Variants in CUL3 observed in about 807,000 individuals in gnomAD.
CUL3 encodes the protein cullin 3.
CUL3 carries 19 observed loss-of-function variants against 89.1 expected under a neutral mutation model. The observed-to-expected ratio is 0.21, with a 90% CI of 0.15 to 0.31. The LOEUF (loss-of-function observed/expected upper bound fraction) is 0.31, where lower values mean the gene tolerates loss of function less well. Among genes scored for constraint, CUL3 ranks in the 10% least tolerant of loss-of-function variants. The pLI is 1.00. For missense variants in CUL3, 469 were observed against 942.3 expected (o/e 0.50, Z 6.58); for synonymous variants, 351 against 308.4 (o/e 1.14, Z -1.45).
rs199687593 is a variant in CUL3, at chr2:224,584,286, C to CG, written c.66+657_66+658insC. On this transcript the variant is annotated intron_variant, in intron 1 of 15. Transcript: ENST00000264414. ...CGGTTTGCTCTCTGTTGCTTCCCCC[C>CG]CACCCGGCCTTCCTCCGAGTGGCGA... is the stretch of plus-strand genomic sequence containing the variant. Among the ~76,000 whole-genome samples the CG allele has an allele frequency of 2.4e-3, 364 of 152,134 alleles. 4 individuals are homozygous for CG. Among genetic ancestry groups the CG allele is most frequent in the Non-Finnish European group, 3.4e-3 (234 of 67,976 alleles).
chr2:224,477,319 C>A (rs576627182), intron 15 of CUL3, among the ~76,000 whole-genome samples: 1 of 152,264 alleles, frequency 6.6e-6, no homozygotes, highest in South Asian at 2.1e-4. Flanking sequence ...GGTAGCTGTT[C>A]CAAGAACCAC....
At chr2:224,544,020 G>A (rs1043489766) in intron 2 of CUL3, among the ~76,000 whole-genome samples, 2 of 152,066 alleles carry the variant, frequency 1.3e-5, no homozygotes, top group African/African-American at 4.8e-5. Context: ...TCAGATTTTG[G>A]ATTTTTGGAT....
At chr2:224,569,577 C>CT (rs1213162845) in intron 1 of CUL3, 2 of 417,468 alleles carry the variant, frequency 4.8e-6, no homozygotes, top group African/African-American at 4.3e-5. Flanking sequence ...CTATAATGGT[C>CT]TTTGTTTTCT....
chr2:224,553,620 C>T (rs991226599), intron 2 of CUL3, among the ~76,000 whole-genome samples: 1 of 152,068 alleles, frequency 6.6e-6, no homozygotes, highest in African/African-American at 2.4e-5. Flanking sequence ...AGAGGTGGGG[C>T]CTTTGGGAGG....
chr2:224,551,379 G>A (rs1311678918), intron 2 of CUL3, among the ~76,000 whole-genome samples: 2 of 151,852 alleles, frequency 1.3e-5, no homozygotes, highest in Admixed American at 1.3e-4. Context: ...CTCATTTTTT[G>A]TATTTTTAGG....
intron 1 of CUL3, among the ~76,000 whole-genome samples, chr2:224,584,256 T>C (rs932425028): frequency 7.3e-5 from 11 of 150,808 alleles, no homozygotes; most frequent in African/African-American, 2.4e-4. Flanking sequence ...GGAGAACCAA[T>C]TGGCCGGTTT....
At chr2:224,522,880 T>C (rs778510011) in intron 3 of CUL3, among the ~76,000 whole-genome samples, 18 of 151,982 alleles carry the variant, frequency 1.2e-4, no homozygotes, top group Non-Finnish European at 2.5e-4. Flanking sequence ...AAAAACACAG[T>C]TGTGAAAATT....
intron 13 of CUL3, among the ~76,000 whole-genome samples, chr2:224,487,157 A>G (rs1691757026): frequency 6.6e-6 from 1 of 152,228 alleles, no homozygotes; most frequent in African/African-American, 2.4e-5. Flanking sequence ...CAGCCACTGC[A>G]AAAACATACC....
intron 10 of CUL3, among the ~76,000 whole-genome samples, chr2:224,502,374 A>G (rs1483616676): frequency 3.9e-5 from 6 of 152,238 alleles, no homozygotes; most frequent in Non-Finnish European, 8.8e-5. Flanking sequence ...ATTTCATTAA[A>G]TGCTCATAAA....
At position 224,576,696 on chromosome 2, in the gene CUL3, G is replaced by C. The variant is rs545100017; in HGVS notation, c.66+8248C>G. 1.8e-3 allele frequency among the ~76,000 whole-genome samples: 269 copies of C among 147,162 alleles called. 6 individuals are homozygous for C. In the Middle Eastern group the frequency reaches 0.035, roughly 19 times the overall value. ...TCAGGAGTGAAAAAAAAGGGGGGGGGGGGAGGAGAAGGAGGAGAAAGGGAG... is the reference window on the plus strand; with the variant it reads ...TCAGGAGTGAAAAAAAAGGGGGGGGCGGGAGGAGAAGGAGGAGAAAGGGAG... On this transcript the variant is annotated intron_variant, in intron 1 of 15. Coordinates refer to ENST00000264414, the MANE Select transcript of CUL3 (RefSeq NM_003590.5).
Position 224,470,955 on chromosome 2 carries a change from C to T in CUL3, c.*3290G>A. 1 of 228,912 alleles carries T rather than the reference C, an allele frequency of 4.4e-6. No homozygotes were observed. Among genetic ancestry groups the T allele is most frequent in the Non-Finnish European group, 8.7e-6 (1 of 115,470 alleles). The allele number at this position is 228,912 out of a possible 1,614,324, so 14.2% of individuals were successfully genotyped here. ...TGGCTCTGCCATTTCCTGCTAGCAA[C>T]CTTGGACAACACTGGTATAATGACA... is the stretch of plus-strand genomic sequence containing the variant. On this transcript the variant is annotated 3_prime_UTR_variant, in exon 16 of 16. Transcript: ENST00000264414.
intron 2 of CUL3, among the ~76,000 whole-genome samples, chr2:224,550,949 T>C (rs1694490439): frequency 1.3e-5 from 2 of 152,168 alleles, no homozygotes; most frequent in Admixed American, 1.3e-4. Flanking sequence ...ATGATCTGGC[T>C]TCTGCTTCTC....
chr2:224,583,590 TTAA>T (rs1203382896), intron 1 of CUL3, among the ~76,000 whole-genome samples: 1 of 152,212 alleles, frequency 6.6e-6, no homozygotes, highest in Non-Finnish European at 1.5e-5. Context: ...CAAAAAATCT[TTAA>T]TTATTATCAA....
chr2:224,585,036 CT>C lies in CUL3; in HGVS notation c.-28del. 1 of 1,479,906 alleles carries C rather than the reference CT, an allele frequency of 6.8e-7. No homozygotes were observed. The highest frequency in any genetic ancestry group is 9.1e-7 in the Non-Finnish European group (1 of 1,101,374). The allele number at this position is 1,479,906 out of a possible 1,614,324, so 91.7% of individuals were successfully genotyped here. ...GTGCTCGTCCCCTCCCCGGCGGCGGCTTCAGGTCGCGCTCCGCGACGCCGGT... is the reference window on the plus strand; with the variant it reads ...GTGCTCGTCCCCTCCCCGGCGGCGGCTCAGGTCGCGCTCCGCGACGCCGGT... On this transcript the variant is annotated 5_prime_UTR_variant, in exon 1 of 16. Transcript: ENST00000264414.
Position 224,557,865 on chromosome 2 carries a change from T to C in CUL3, c.67-9A>G, listed in dbSNP as rs774791949. ...TTTTCATCCATGGTCATCTGTAATA[T>C]CCAAGAGAGAGAAGAGACAAAAAAA... On this transcript the variant is annotated splice_polypyrimidine_tract_variant and intron_variant, in intron 1 of 15. Coordinates refer to ENST00000264414, the MANE Select transcript of CUL3 (RefSeq NM_003590.5). 1.9e-5 allele frequency: 7 copies of C among 371,530 alleles called. No homozygotes were observed. The highest frequency in any genetic ancestry group is 1.0e-4 in the African/African-American group (3 of 29,320). 23.0% of individuals were successfully genotyped at this position (371,530 alleles called of 1,614,324 possible).
At chr2:224,566,213 C>T (rs559845851) in intron 1 of CUL3, among the ~76,000 whole-genome samples, 1 of 152,334 alleles carries the variant, frequency 6.6e-6, no homozygotes, top group South Asian at 2.1e-4. Flanking sequence ...CAATCCCTTA[C>T]TGACAAGGTA....
chr2:224,470,456 G>A lies in CUL3; in HGVS notation c.*3789C>T, dbSNP rs4234054. The stretch of plus-strand genomic sequence containing the variant: ...CCTAGTTGTTTTTCTCCTGAGAGCT[G>A]GCGTAATGGCCAATCTCTGTATCAT... On this transcript the variant is annotated 3_prime_UTR_variant, in exon 16 of 16. Coordinates refer to ENST00000264414, the MANE Select transcript of CUL3 (RefSeq NM_003590.5). The A allele has an allele frequency of 0.99, 229,379 of 230,708 alleles. 114,034 individuals carry two copies. Among genetic ancestry groups the A allele is most frequent in the East Asian group, 1 (16,172 of 16,172 alleles). The allele number at this position is 230,708 out of a possible 1,614,324, so 14.3% of individuals were successfully genotyped here.
chr2:224,578,183 CTAAA>C (rs1289560894), intron 1 of CUL3, among the ~76,000 whole-genome samples: 2 of 152,074 alleles, frequency 1.3e-5, no homozygotes, highest in African/African-American at 4.8e-5. Flanking sequence ...ATTTATGTGT[CTAAA>C]TAGTCATAGT....
chr2:224,558,476 T>C (rs1225136356), intron 1 of CUL3, among the ~76,000 whole-genome samples: 3 of 152,112 alleles, frequency 2.0e-5, no homozygotes, highest in Non-Finnish European at 4.4e-5. Context: ...CTATACAAAT[T>C]CCCATCATAT....
Sources: allele counts gnomAD v4.1 joint callset (sites outside exome capture counted in the v4.1 genomes callset), GRCh38; gene constraint gnomAD v4.1.1; transcripts MANE v1.5; gene names NCBI Gene and HGNC (gene_info 2026-07-23, HGNC 2026-07-21).